SPDYE10: variants seen among roughly 807,000 people sequenced by gnomAD.
SPDYE10 encodes the protein speedy/RINGO cell cycle regulator family member E10.
chr7:73,135,557 A>C, the SPDYE10 span, among the ~76,000 whole-genome samples: 2 of 101,816 alleles, frequency 2.0e-5, no homozygotes, highest in African/African-American at 4.0e-5. Context: ...ACAGAATCCC[A>C]CTCTGTTGGC....
chr7:73,142,659 A>G, the SPDYE10 span, among the ~76,000 whole-genome samples: 1 of 152,248 alleles, frequency 6.6e-6, no homozygotes, highest in East Asian at 1.9e-4. Flanking sequence ...GCTGTGGGCC[A>G]GGCACAGTGG....
At chr7:73,151,923 C>G in the SPDYE10 span, among the ~76,000 whole-genome samples, 4 of 148,756 alleles carry the variant, frequency 2.7e-5, no homozygotes, top group Non-Finnish European at 6.0e-5. Flanking sequence ...TACCTTAGGC[C>G]ATCCAGAGCA....
chr7:73,134,988 G>A, the SPDYE10 span, among the ~76,000 whole-genome samples: 1 of 152,306 alleles, frequency 6.6e-6, no homozygotes, highest in Non-Finnish European at 1.5e-5. Flanking sequence ...GAGATAGGAG[G>A]GAAAGACTGA....
chr7:73,111,048 C>T, the SPDYE10 span: 1 of 1,585,490 alleles, frequency 6.3e-7, no homozygotes, highest in Non-Finnish European at 8.5e-7. Flanking sequence ...GGGGCGAGCT[C>T]CTTCTCTGGC....
At chr7:73,135,804 C>T in the SPDYE10 span, among the ~76,000 whole-genome samples, 3 of 67,052 alleles carry the variant, frequency 4.5e-5, no homozygotes, top group Admixed American at 3.4e-4. Flanking sequence ...CTCCTGACTT[C>T]GTGATCCCCC....
the SPDYE10 span, among the ~76,000 whole-genome samples, chr7:73,144,738 CAA>C: frequency 3.5e-5 from 3 of 85,264 alleles, no homozygotes; most frequent in Non-Finnish European, 6.7e-5. Context: ...GACCCTGTCT[CAA>C]AAAAAAAAAA....
At chr7:73,137,591 G>GA in the SPDYE10 span, among the ~76,000 whole-genome samples, 1 of 56,712 alleles carries the variant, frequency 1.8e-5, no homozygotes, top group Admixed American at 2.2e-4. Context: ...AGAAAGAAGA[G>GA]ATGAAAGAAA....
chr7:73,130,440 T>C, the SPDYE10 span, among the ~76,000 whole-genome samples: 1 of 152,112 alleles, frequency 6.6e-6, no homozygotes, highest in African/African-American at 2.4e-5. Context: ...AAGATTTTGT[T>C]TGTTTTATTT....
At chr7:73,113,895 G>A in the SPDYE10 span, among the ~76,000 whole-genome samples, 7 of 152,088 alleles carry the variant, frequency 4.6e-5, no homozygotes, top group South Asian at 2.1e-4. Context: ...GCATGGTTGC[G>A]GGCACCTGTA....
the SPDYE10 span, among the ~76,000 whole-genome samples, chr7:73,149,562 CA>C: frequency 6.6e-6 from 1 of 152,118 alleles, no homozygotes; most frequent in African/African-American, 2.4e-5. Flanking sequence ...GCTGGGATTA[CA>C]GGCGTGAGCC....
the SPDYE10 span, among the ~76,000 whole-genome samples, chr7:73,137,674 G>A: frequency 1.2e-5 from 1 of 85,208 alleles, no homozygotes; most frequent in South Asian, 5.3e-4. Context: ...GAAAGAAAGA[G>A]GAGGGGAGGG....
chr7:73,152,360 A>G, the SPDYE10 span, among the ~76,000 whole-genome samples: 6 of 139,756 alleles, frequency 4.3e-5, no homozygotes, highest in South Asian at 2.3e-4. Flanking sequence ...CTTCAGGCAG[A>G]CTTCCCTTCA....
chr7:73,150,895 C>CAAAA, the SPDYE10 span, among the ~76,000 whole-genome samples: 40 of 1,200 alleles, frequency 0.033, 1 homozygote, highest in Admixed American at 0.037. Context: ...GACCCTGTCT[C>CAAAA]AAAAAAAAAA....
the SPDYE10 span, among the ~76,000 whole-genome samples, chr7:73,114,010 A>G: frequency 8.1e-6 from 1 of 123,898 alleles, no homozygotes; most frequent in South Asian, 3.0e-4. Flanking sequence ...CTGGGCTATA[A>G]GAGTGAGACT....
chr7:73,121,275 G>GT, the SPDYE10 span, among the ~76,000 whole-genome samples: 2 of 103,242 alleles, frequency 1.9e-5, no homozygotes, highest in South Asian at 8.2e-4. Flanking sequence ...TGGTTGGTTG[G>GT]TTTTGGTTTT....
the SPDYE10 span, among the ~76,000 whole-genome samples, chr7:73,137,628 A>AAGAAAGAAAGG: frequency 7.6e-6 from 1 of 132,232 alleles, no homozygotes; most frequent in East Asian, 2.1e-4. Flanking sequence ...GAAAGAAAGA[A>AAGAAAGAAAGG]AGAAAGAAAG....
chr7:73,155,000 C>G, the SPDYE10 span: 1 of 160,902 alleles, frequency 6.2e-6, no homozygotes, highest in Non-Finnish European at 1.3e-5. Flanking sequence ...CGCTCGGCCC[C>G]TCGGCTGCTG....
chr7:73,115,229 C>G, the SPDYE10 span, among the ~76,000 whole-genome samples: 1 of 152,166 alleles, frequency 6.6e-6, no homozygotes, highest in Non-Finnish European at 1.5e-5. Context: ...CACCTGGTGC[C>G]TCTGAACTCC....
At chr7:73,145,158 T>G in the SPDYE10 span, among the ~76,000 whole-genome samples, 3 of 144,526 alleles carry the variant, frequency 2.1e-5, no homozygotes, top group African/African-American at 8.4e-5. Context: ...CTTTCTTTCT[T>G]TCTTTCTCTT....
Sources: gnomAD v4.1 joint callset for allele counts (sites outside exome capture counted in the v4.1 genomes callset) on GRCh38, gnomAD v4.1.1 for gene constraint, MANE v1.5 for transcripts, NCBI Gene and HGNC (gene_info 2026-07-23, HGNC 2026-07-21) for gene names.